Variants in BIRC6 observed in about 807,000 individuals in gnomAD.
BIRC6 encodes dual E2 ubiquitin-conjugating enzyme/E3 ubiquitin-protein ligase BIRC6.
Under a neutral mutation model 503.3 loss-of-function variants are expected in BIRC6, and 98 were observed. The observed-to-expected ratio is 0.19, with a 90% CI of 0.17 to 0.23. The LOEUF (loss-of-function observed/expected upper bound fraction) is 0.23. Ranked by LOEUF, BIRC6 falls within the 10% of genes least tolerant of loss-of-function variation. BIRC6 has a pLI of 1.00. For synonymous variants in BIRC6, 2,240 were observed against 2,078.7 expected (o/e 1.08, Z -2.11); for missense variants, 5,360 against 5,806.0 (o/e 0.92, Z 2.50).
chr2:32,498,790 T>G (rs1457662270), intron 45 of BIRC6, among the ~76,000 whole-genome samples: 2 of 152,228 alleles, frequency 1.3e-5, no homozygotes, highest in East Asian at 3.8e-4. Flanking sequence ...TTCGCCATGT[T>G]GGCCAGGTTG....
chr2:32,566,912 C>T (rs1246197183), intron 65 of BIRC6, among the ~76,000 whole-genome samples: 9 of 152,026 alleles, frequency 5.9e-5, no homozygotes, highest in East Asian at 1.9e-4. Context: ...GTGGATTTAC[C>T]GTATTTTCCA....
At chr2:32,531,869 G>A (rs1002704809) in intron 61 of BIRC6, among the ~76,000 whole-genome samples, 5 of 152,024 alleles carry the variant, frequency 3.3e-5, no homozygotes, top group African/African-American at 1.2e-4. Flanking sequence ...AGATATTATT[G>A]GAAATAGGAG....
intron 71 of BIRC6, among the ~76,000 whole-genome samples, chr2:32,605,257 T>C (rs1372789886): frequency 6.6e-6 from 1 of 152,184 alleles, no homozygotes; most frequent in Non-Finnish European, 1.5e-5. Context: ...CTGCAAAATA[T>C]TTTATGCTTC....
At chr2:32,506,604 A>G (rs749357403) in intron 50 of BIRC6, among the ~76,000 whole-genome samples, 1 of 152,240 alleles carries the variant, frequency 6.6e-6, no homozygotes, top group Non-Finnish European at 1.5e-5. Context: ...GATTTTTCAT[A>G]TGGGAATTGA....
chr2:32,431,139 T>A, intron 12 of BIRC6, 49 bp downstream of exon 12: 1 of 1,278,994 alleles, frequency 7.8e-7, no homozygotes. Flanking sequence ...CTTGTGTATT[T>A]GTCAGAGACA....
chr2:32,357,526 A>T lies in BIRC6; in HGVS notation c.325+40A>T. 6 of 1,531,664 alleles carry T rather than the reference A, an allele frequency of 3.9e-6. No individual in the cohort carries two copies. Among genetic ancestry groups the T allele is most frequent in the Non-Finnish European group, 5.3e-6 (6 of 1,140,142 alleles). 94.9% of individuals were successfully genotyped at this position (1,531,664 alleles called of 1,614,324 possible). A position where few individuals can be genotyped will look rare whatever the true frequency, so the allele number is the denominator to read the frequency against. On this transcript the variant is annotated intron_variant, in intron 1 of 73. Coordinates refer to ENST00000421745, the MANE Select transcript of BIRC6 (RefSeq NM_016252.4). The surrounding 1 kb of genome is among the most constrained non-coding windows in gnomAD (Gnocchi z 4.9). ...CGCCGGGCGGGCGCGAAGCCGGGGA[A>T]AGAAGCCGTCCAGCCCCGGGGCTCG...
intron 26 of BIRC6, 92 bp downstream of exon 26, chr2:32,465,256 T>A: frequency 1.4e-6 from 1 of 697,030 alleles, no homozygotes. Flanking sequence ...TCGATTTTTT[T>A]TTTTTTTTTT....
chr2:32,486,754 C>T (rs949114804), intron 40 of BIRC6, among the ~76,000 whole-genome samples: 1 of 152,046 alleles, frequency 6.6e-6, no homozygotes, highest in Non-Finnish European at 1.5e-5. Context: ...TCATTTGTTT[C>T]TTGCTTTAGA....
chr2:32,548,616 A>G (rs1248815721), intron 64 of BIRC6: 5 of 151,114 alleles, frequency 3.3e-5, no homozygotes, highest in African/African-American at 1.2e-4. Context: ...ACCTGCCTCT[A>G]CTAATAAATA....
chr2:32,516,593 C>CAAAAA (rs370418768), intron 55 of BIRC6, among the ~76,000 whole-genome samples: 1 of 135,844 alleles, frequency 7.4e-6, no homozygotes, highest in Non-Finnish European at 1.6e-5. Flanking sequence ...GACTCCATCT[C>CAAAAA]AAAAAAAAAA....
intron 54 of BIRC6, among the ~76,000 whole-genome samples, chr2:32,513,485 C>T (rs966146936): frequency 6.6e-6 from 1 of 152,144 alleles, no homozygotes; most frequent in African/African-American, 2.4e-5. Flanking sequence ...TACAGCTAGA[C>T]AACTTTGGGG....
chr2:32,460,851 G>C (rs79529339), intron 23 of BIRC6, among the ~76,000 whole-genome samples: 2,927 of 151,790 alleles, frequency 0.019, 84 homozygotes, highest in African/African-American at 0.068. Context: ...TACAAGCATG[G>C]TATGAATGAT....
intron 65 of BIRC6, among the ~76,000 whole-genome samples, chr2:32,552,519 A>G (rs770533382): frequency 7.9e-5 from 12 of 152,228 alleles, no homozygotes; most frequent in Non-Finnish European, 1.8e-4. Context: ...TGTTAGTTGT[A>G]AAATTATTAC....
At chr2:32,370,640 A>G (rs989073810) in intron 1 of BIRC6, among the ~76,000 whole-genome samples, 1 of 152,114 alleles carries the variant, frequency 6.6e-6, no homozygotes, top group Non-Finnish European at 1.5e-5. Flanking sequence ...ATTTTTGGTT[A>G]ATTATATCAA....
intron 1 of BIRC6, among the ~76,000 whole-genome samples, chr2:32,359,700 C>CAT (rs766014474): frequency 4.7e-4 from 71 of 152,238 alleles, no homozygotes; most frequent in Admixed American, 1.1e-3. Context: ...GAAACATTTT[C>CAT]ATATATGAGA....
At chr2:32,395,615 C>T (rs1558611928) in intron 6 of BIRC6, 22 bp downstream of exon 6, 1 of 1,556,822 alleles carries the variant, frequency 6.4e-7, no homozygotes, top group East Asian at 2.2e-5. Context: ...TGTTTCTGGG[C>T]ATAATAGGCT....
chr2:32,500,616 T>G (rs1328791470), intron 46 of BIRC6, among the ~76,000 whole-genome samples: 1 of 149,172 alleles, frequency 6.7e-6, no homozygotes, highest in African/African-American at 2.5e-5. Context: ...GTTTTTTTTT[T>G]TTTTTTTGAG....
chr2:32,493,681 T>A lies in BIRC6; in HGVS notation c.8468+14T>A. On this transcript the variant is annotated intron_variant, in intron 45 of 73. Coordinates refer to ENST00000421745, the MANE Select transcript of BIRC6 (RefSeq NM_016252.4). Reference sequence around the variant, plus strand: ...TTCAACTGAAAGGTAAATTTTTGTGTACTAATTTGTTCCTGATATAGAAGT... The same window carrying A: ...TTCAACTGAAAGGTAAATTTTTGTGAACTAATTTGTTCCTGATATAGAAGT... 6.3e-7 allele frequency: 1 copy of A among 1,579,526 alleles called. No homozygotes were observed. Among genetic ancestry groups the A allele is most frequent in the Non-Finnish European group, 8.7e-7 (1 of 1,156,014 alleles).
intron 1 of BIRC6, among the ~76,000 whole-genome samples, chr2:32,365,486 A>AT (rs200513479): frequency 0.023 from 3,544 of 151,974 alleles, 134 homozygotes; most frequent in African/African-American, 0.083. Context: ...CGCCCAGCTA[A>AT]TTTTTTCTAT....
Sources: allele counts gnomAD v4.1 joint callset (sites outside exome capture counted in the v4.1 genomes callset), GRCh38; gene constraint gnomAD v4.1.1; non-coding constraint Gnocchi (gnomAD v3.1); transcripts MANE v1.5; gene names NCBI Gene and HGNC (gene_info 2026-07-23, HGNC 2026-07-21).